ZNF215: variants seen among roughly 807,000 people sequenced by gnomAD.
ZNF215 encodes BWSCR2-associated zinc finger protein 2.
In ZNF215, 24 loss-of-function variants were observed where a neutral mutation model predicts 27.2. That is an observed-to-expected ratio of 0.88 (90% CI 0.64 to 1.24). ZNF215 has a LOEUF of 1.24. Among genes scored for constraint, ZNF215 ranks in the 50% most tolerant of loss-of-function variants. The probability of loss-of-function intolerance (pLI) is 0.00; values close to 1 mark genes in which losing one functional copy is unlikely to be tolerated. For missense variants in ZNF215, 675 were observed against 605.7 expected (o/e 1.11, Z -1.20); for synonymous variants, 210 against 204.0 (o/e 1.03, Z -0.25).
chr11:6,941,756 C>A, intron 4 of ZNF215, 103 bp downstream of exon 4: 3 of 1,209,220 alleles, frequency 2.5e-6, no homozygotes, highest in Non-Finnish European at 3.5e-6. Flanking sequence ...TGGTTCCATC[C>A]AAGAACATGA....
chr11:6,993,098 C>T (rs926997850), downstream of ZNF215, among the ~76,000 whole-genome samples: 13 of 152,290 alleles, frequency 8.5e-5, no homozygotes, highest in African/African-American at 2.4e-4. Context: ...AATTTTGTCA[C>T]GCTGTCAGCC....
chr11:6,955,365 C>T (rs937062001), intron 6 of ZNF215, among the ~76,000 whole-genome samples: 3 of 152,182 alleles, frequency 2.0e-5, no homozygotes, highest in Non-Finnish European at 4.4e-5. Flanking sequence ...TAGGCAGAGA[C>T]TTCATACACT....
chr11:6,960,334 A>G (rs140690552), downstream of ZNF215, among the ~76,000 whole-genome samples: 216 of 152,296 alleles, frequency 1.4e-3, no homozygotes, highest in African/African-American at 4.9e-3. Flanking sequence ...TCACAAGACC[A>G]TATGAGCTCC....
intron 5 of ZNF215, among the ~76,000 whole-genome samples, chr11:6,980,977 T>G (rs1464704182): frequency 6.7e-6 from 1 of 150,044 alleles, no homozygotes; most frequent in Non-Finnish European, 1.5e-5. Flanking sequence ...CCATGGTGTA[T>G]ATGTGCCACA....
At chr11:6,935,016 A>G (rs1269550919) in intron 3 of ZNF215, among the ~76,000 whole-genome samples, 1 of 152,216 alleles carries the variant, frequency 6.6e-6, no homozygotes, top group Non-Finnish European at 1.5e-5. Flanking sequence ...AAACCTGCTC[A>G]TAGGGCTTGC....
intron 5 of ZNF215, among the ~76,000 whole-genome samples, chr11:6,974,552 G>T (rs1403397074): frequency 6.6e-6 from 1 of 152,012 alleles, no homozygotes; most frequent in Non-Finnish European, 1.5e-5. Flanking sequence ...CCATTTGTTT[G>T]TATCCTCTTT....
chr11:6,994,200 T>TTA (rs1488284125), intron 6 of ZNF215, among the ~76,000 whole-genome samples: 1 of 21,598 alleles, frequency 4.6e-5, no homozygotes, highest in Non-Finnish European at 1.5e-4. Context: ...ATTTTATATA[T>TTA]TATATATTAA....
intron 2 of ZNF215, among the ~76,000 whole-genome samples, chr11:6,930,128 C>A (rs976551907): frequency 2.9e-5 from 4 of 139,526 alleles, no homozygotes; most frequent in African/African-American, 5.4e-5. Flanking sequence ...TTGAGCATTT[C>A]TTTACTTTCT....
intron 4 of ZNF215, among the ~76,000 whole-genome samples, chr11:6,942,191 AGCAGACAAAATTAAT>A (rs1490266402): frequency 2.6e-5 from 4 of 152,194 alleles, no homozygotes; most frequent in African/African-American, 9.6e-5. Flanking sequence ...GAAGTGAGGA[AGCAGACAAAATTAAT>A]GCAGACAACT....
chr11:6,967,569 T>G (rs1036189396), intron 5 of ZNF215, among the ~76,000 whole-genome samples: 1 of 152,240 alleles, frequency 6.6e-6, no homozygotes, highest in African/African-American at 2.4e-5. Context: ...ATGGTGAGCT[T>G]TTTTTCATAT....
At chr11:6,969,425 G>GA (rs1335370863) in intron 5 of ZNF215, among the ~76,000 whole-genome samples, 2 of 151,634 alleles carry the variant, frequency 1.3e-5, no homozygotes, top group Admixed American at 1.3e-4. Flanking sequence ...CCACCACAGA[G>GA]AAAAAAGCTC....
At chr11:6,930,584 T>C (rs1007588064) in intron 2 of ZNF215, among the ~76,000 whole-genome samples, 4 of 152,218 alleles carry the variant, frequency 2.6e-5, no homozygotes, top group Non-Finnish European at 5.9e-5. Flanking sequence ...CTGATACTTA[T>C]TTGAATGTTG....
chr11:6,956,047 A>T lies in ZNF215; in HGVS notation c.1070A>T (p.Tyr357Phe), dbSNP rs771326908. ...GGTAAGCAACATTCAGAATATGAAT[A>T]TGGGAATGACTTGAGTTTGAGTACA... The part of the protein sequence containing the change: ...SVGKQHSEYE[Y>F]GNDLSLSTDI... Residue 357 changes from tyrosine (Y) to phenylalanine (F), a missense_variant, in exon 7 of 7, where the codon TAT (tyrosine) becomes TTT (phenylalanine). Coordinates refer to ENST00000278319, the MANE Select transcript of ZNF215 (RefSeq NM_013250.4). 1 of 1,609,414 alleles carries T rather than the reference A, an allele frequency of 6.2e-7. No homozygotes were observed. The highest frequency in any genetic ancestry group is 8.5e-7 in the Non-Finnish European group (1 of 1,178,488).
intron 6 of ZNF215, 47 bp from the exon 7 acceptor site, chr11:6,955,643 T>G (rs1850303791): frequency 6.6e-7 from 1 of 1,519,448 alleles, no homozygotes; most frequent in Non-Finnish European, 8.8e-7. Flanking sequence ...CATTTCCTAT[T>G]GAAGCAGTTT....
chr11:6,965,220 A>T (rs966203348), intron 5 of ZNF215, among the ~76,000 whole-genome samples: 1 of 152,158 alleles, frequency 6.6e-6, no homozygotes, highest in African/African-American at 2.4e-5. Context: ...AGTACATGTT[A>T]TACAGAGTTT....
chr11:6,936,411 A>G (rs1255005287), intron 3 of ZNF215, among the ~76,000 whole-genome samples: 1 of 152,064 alleles, frequency 6.6e-6, no homozygotes, highest in Non-Finnish European at 1.5e-5. Flanking sequence ...ACAAATTCCA[A>G]AAACACAAAT....
intron 5 of ZNF215, among the ~76,000 whole-genome samples, chr11:6,979,083 A>C (rs1390233052): frequency 6.6e-6 from 1 of 152,060 alleles, no homozygotes; most frequent in Non-Finnish European, 1.5e-5. Flanking sequence ...GAACAAGCAC[A>C]CCTTGCCATG....
At chr11:6,975,977 G>C (rs1286867269) in intron 5 of ZNF215, among the ~76,000 whole-genome samples, 1 of 152,064 alleles carries the variant, frequency 6.6e-6, no homozygotes, top group African/African-American at 2.4e-5. Context: ...CAGTATACAA[G>C]GGTTCCCTTT....
At chr11:6,972,459 C>T (rs754607342) in intron 5 of ZNF215, among the ~76,000 whole-genome samples, 2 of 151,282 alleles carry the variant, frequency 1.3e-5, no homozygotes, top group Admixed American at 6.6e-5. Flanking sequence ...TATAAATTCA[C>T]AGATTGTTTT....
Sources: allele counts gnomAD v4.1 joint callset (sites outside exome capture counted in the v4.1 genomes callset), GRCh38; gene constraint gnomAD v4.1.1; transcripts MANE v1.5; gene names NCBI Gene and HGNC (gene_info 2026-07-23, HGNC 2026-07-21).